Variants in TDRD9 observed in about 807,000 individuals in gnomAD.
TDRD9 encodes the protein ATP-dependent RNA helicase TDRD9.
TDRD9 carries 124 observed loss-of-function variants against 172.6 expected under a neutral mutation model. The ratio of observed to expected loss-of-function variants is 0.72; its 90% confidence interval spans 0.62 to 0.83. The LOEUF (loss-of-function observed/expected upper bound fraction) is 0.83. Ranked by LOEUF, TDRD9 falls within the 40% of genes least tolerant of loss-of-function variation. The pLI is 0.00. For synonymous variants in TDRD9, 619 were observed against 617.1 expected (o/e 1.00, Z -0.05); for missense variants, 1,479 against 1,714.1 (o/e 0.86, Z 2.42).
chr14:104,033,699 G>A (rs536744338), intron 30 of TDRD9, among the ~76,000 whole-genome samples: 1 of 152,096 alleles, frequency 6.6e-6, no homozygotes, highest in Non-Finnish European at 1.5e-5. Context: ...CGTGTGCGTG[G>A]TTCCTAAGCC....
rs1327269292 is a variant in TDRD9 at position 104,049,662 on chromosome 14, G to A, written c.4029G>A (p.Lys1343=). The A allele has an allele frequency of 6.3e-7, 1 of 1,590,792 alleles. No individual in the cohort carries two copies. The highest frequency in any genetic ancestry group is 1.8e-5 in the Admixed American group (1 of 56,918). The part of the protein sequence containing the change: ...REKIVPKWHE[K]PYEWNQVDPK... ...AGATTGTTCCCAAGTGGCATGAAAA[G>A]CCCTACGAGTGGAATCAGGTGAGTG... is the stretch of plus-strand genomic sequence containing the variant. Residue 1343 remains lysine, a synonymous_variant, in exon 35 of 36, where the codon AAG becomes AAA. Coordinates refer to ENST00000409874, the MANE Select transcript of TDRD9 (RefSeq NM_153046.3).
intron 3 of TDRD9, 61 bp downstream of exon 3, chr14:103,963,237 T>A: frequency 8.1e-7 from 1 of 1,238,612 alleles, no homozygotes; most frequent in Non-Finnish European, 1.1e-6. Flanking sequence ...GGCCCAATAC[T>A]TTTGGTTTCT....
At chr14:103,990,739 G>T (rs2033834525) in intron 8 of TDRD9, among the ~76,000 whole-genome samples, 1 of 152,176 alleles carries the variant, frequency 6.6e-6, no homozygotes. Context: ...TCACACAAAA[G>T]TAAATATATT....
intron 34 of TDRD9, among the ~76,000 whole-genome samples, chr14:104,045,004 A>G (rs993501481): frequency 6.6e-6 from 1 of 152,186 alleles, no homozygotes; most frequent in Non-Finnish European, 1.5e-5. Context: ...TTAGTAGGGC[A>G]TGGTGACACA....
At chr14:103,985,748 G>A (rs1379603295) in intron 7 of TDRD9, among the ~76,000 whole-genome samples, 2 of 152,202 alleles carry the variant, frequency 1.3e-5, no homozygotes, top group Non-Finnish European at 1.5e-5. Context: ...CGGATGTGAC[G>A]TTACAGTTTT....
At chr14:104,030,159 C>A (rs1460403431) in intron 28 of TDRD9, among the ~76,000 whole-genome samples, 2 of 152,098 alleles carry the variant, frequency 1.3e-5, no homozygotes, top group African/African-American at 4.8e-5. Flanking sequence ...AAAAATGTTT[C>A]TTTCTTGCAA....
intron 12 of TDRD9, among the ~76,000 whole-genome samples, chr14:103,996,778 A>G (rs77570431): frequency 0.01 from 1,562 of 152,340 alleles, 23 homozygotes; most frequent in African/African-American, 0.036. Context: ...AGTAAGTTAC[A>G]TGATGGTGAG....
chr14:103,966,682 C>A, intron 4 of TDRD9, 27 bp from the exon 5 acceptor site: 1 of 1,481,514 alleles, frequency 6.7e-7, no homozygotes, highest in Non-Finnish European at 9.0e-7. Flanking sequence ...CTCTTTTTTC[C>A]TTTCCTTTTT....
In TDRD9 at chr14:103,928,534, C is replaced by A; in HGVS notation, c.25C>A (p.Gln9Lys). The change falls in exon 1 of 36, where the codon CAG (glutamine) becomes AAG (lysine). Residue 9 changes from glutamine (Q) to lysine (K), a missense_variant. Transcript: ENST00000409874. The stretch of plus-strand genomic sequence containing the variant: ...GATGCTGCGGAAGCTCACCATCGAG[C>A]AGATCAACGACTGGTTCACCATCGG... Reference protein sequence around the residue: MLRKLTIEQINDWFTIGKT... With the variant: MLRKLTIEKINDWFTIGKT... The A allele has an allele frequency of 7.1e-7, 1 of 1,409,384 alleles. No individual in the cohort carries two copies. 87.3% of individuals were successfully genotyped at this position (1,409,384 alleles called of 1,614,324 possible).
At chr14:104,007,349 C>T (rs1293443876) in intron 19 of TDRD9, 145 bp downstream of exon 19, 14 of 717,028 alleles carry the variant, frequency 2.0e-5, no homozygotes, top group Non-Finnish European at 3.0e-5. Flanking sequence ...CACGGCTGTC[C>T]CAAGAGTGGC....
At chr14:103,998,313 T>C (rs2034129151) in intron 12 of TDRD9, among the ~76,000 whole-genome samples, 1 of 152,112 alleles carries the variant, frequency 6.6e-6, no homozygotes, top group Non-Finnish European at 1.5e-5. Flanking sequence ...TCTGTACTGC[T>C]GTTGTAATGA....
chr14:103,947,419 C>G (rs1424227343), intron 1 of TDRD9, among the ~76,000 whole-genome samples: 1 of 151,960 alleles, frequency 6.6e-6, no homozygotes, highest in Admixed American at 6.6e-5. Flanking sequence ...GCTCTGTCCC[C>G]CAGGTTCATG....
intron 7 of TDRD9, among the ~76,000 whole-genome samples, chr14:103,982,323 C>T (rs550822583): frequency 8.5e-4 from 130 of 152,314 alleles, no homozygotes; most frequent in Admixed American, 7.8e-4. Context: ...TACTTTTCTA[C>T]CTCCCGCAGG....
intron 28 of TDRD9, among the ~76,000 whole-genome samples, chr14:104,030,322 A>T (rs2035243996): frequency 6.6e-6 from 1 of 152,146 alleles, no homozygotes; most frequent in Admixed American, 6.5e-5. Context: ...GTGAAATCCC[A>T]TCTCTACTAA....
At chr14:103,996,697 A>G (rs546527638) in intron 12 of TDRD9, among the ~76,000 whole-genome samples, 2 of 152,226 alleles carry the variant, frequency 1.3e-5, no homozygotes, top group Non-Finnish European at 2.9e-5. Context: ...GCGAAATAGC[A>G]GTAAGCAAAA....
chr14:104,047,788 C>G (rs781654939), intron 34 of TDRD9, among the ~76,000 whole-genome samples: 2 of 152,104 alleles, frequency 1.3e-5, no homozygotes, highest in African/African-American at 4.8e-5. Flanking sequence ...CATCTCAGGT[C>G]GACGTGGATG....
In TDRD9 at chr14:103,995,744, T is replaced by C. The variant is rs768570369; in HGVS notation, c.1321-6T>C. 1.3e-6 allele frequency: 2 copies of C among 1,595,388 alleles called. No homozygotes were observed. Among genetic ancestry groups the C allele is most frequent in the Admixed American group, 3.6e-5 (2 of 55,974 alleles). ...AATGTCAGCTTTTTTCTTTGATGTT[T>C]AACAGATTATTCTGTCCACCAATAT... On this transcript the variant is annotated splice_region_variant and splice_polypyrimidine_tract_variant and intron_variant, in intron 11 of 35. Coordinates refer to ENST00000409874, the MANE Select transcript of TDRD9 (RefSeq NM_153046.3).
chr14:104,037,031 G>A (rs1300934255), intron 32 of TDRD9, among the ~76,000 whole-genome samples: 1 of 146,260 alleles, frequency 6.8e-6, no homozygotes, highest in African/African-American at 2.5e-5. Context: ...TAAGGTTGGA[G>A]TTTTTTTTTT....
chr14:104,024,505 A>T, intron 24 of TDRD9, 64 bp from the exon 25 acceptor site: 1 of 837,886 alleles, frequency 1.2e-6, no homozygotes. Flanking sequence ...ATAATTTCAC[A>T]TATGTAAATG....
Sources: allele counts gnomAD v4.1 joint callset (sites outside exome capture counted in the v4.1 genomes callset), GRCh38; gene constraint gnomAD v4.1.1; transcripts MANE v1.5; gene names NCBI Gene and HGNC (gene_info 2026-07-23, HGNC 2026-07-21).